The following FANCB variants were observed in gnomAD, a reference collection of about 807,000 sequenced individuals.
FANCB encodes the protein FA complementation group B.
Under a neutral mutation model 38.9 loss-of-function variants are expected in FANCB, and 5 were observed. The ratio of observed to expected loss-of-function variants is 0.13; its 90% CI spans 0.07 to 0.27. The LOEUF is 0.27. Ranked by LOEUF, FANCB falls within the 10% of genes least tolerant of loss-of-function variation. The probability of loss-of-function intolerance (pLI) is 1.00; values close to 1 mark genes in which losing one functional copy is unlikely to be tolerated. For missense variants in FANCB, 573 were observed against 602.7 expected (o/e 0.95, Z 0.52); for synonymous variants, 236 against 215.4 (o/e 1.10, Z -0.84).
At chrX:14,778,365 C>G in the FANCB span, among the ~76,000 whole-genome samples, 1 of 111,963 alleles carries the variant, frequency 8.9e-6, no homozygotes, top group African/African-American at 3.3e-5. Flanking sequence ...GTGCACAGGA[C>G]AGCCATTCAT....
downstream of FANCB, chrX:14,834,997 C>A: frequency 3.2e-6 from 2 of 627,712 alleles, no homozygotes; most frequent in South Asian, 4.3e-5. Flanking sequence ...CTAATATGCA[C>A]TGGCCCTGAA....
At chrX:14,708,664 C>T in the FANCB span, among the ~76,000 whole-genome samples, 27 of 111,744 alleles carry the variant, frequency 2.4e-4, no homozygotes, top group African/African-American at 3.6e-4. Flanking sequence ...AGGCCAGGCG[C>T]GGTGGCTCAC....
At chrX:14,754,341 G>T in the FANCB span, among the ~76,000 whole-genome samples, 1 of 112,445 alleles carries the variant, frequency 8.9e-6, no homozygotes, top group Non-Finnish European at 1.9e-5. Flanking sequence ...GAAGCACAAA[G>T]AAATAGAAAT....
At chrX:14,826,059 C>T in the FANCB span, among the ~76,000 whole-genome samples, 52 of 112,041 alleles carry the variant, frequency 4.6e-4, no homozygotes, top group Admixed American at 6.6e-4. Flanking sequence ...AAAGGGAAAC[C>T]AGCCATGTGT....
At chrX:14,834,664 GT>G (rs761556172), downstream of FANCB, 6 of 624,707 alleles carry the variant, frequency 9.6e-6, no homozygotes, top group African/African-American at 1.1e-4. Context: ...GTTTTTTCCT[GT>G]TTTTTGAAGG....
the FANCB span, among the ~76,000 whole-genome samples, chrX:14,810,390 C>T: frequency 1.8e-5 from 2 of 111,754 alleles, no homozygotes; most frequent in African/African-American, 6.5e-5. Flanking sequence ...GAAATTCAAA[C>T]CAAAGGCAAA....
chrX:14,694,423 A>T, the FANCB span, among the ~76,000 whole-genome samples: 1 of 112,221 alleles, frequency 8.9e-6, no homozygotes, highest in Non-Finnish European at 1.9e-5. Flanking sequence ...GTAGAAAATG[A>T]GGTTGAAAAA....
At chrX:14,752,980 GACACACACAC>G in the FANCB span, among the ~76,000 whole-genome samples, 114 of 68,479 alleles carry the variant, frequency 1.7e-3, no homozygotes, top group East Asian at 3.8e-3. Context: ...CTCTCTCTCT[GACACACACAC>G]ACACACACAC....
the FANCB span, among the ~76,000 whole-genome samples, chrX:14,768,566 A>G: frequency 9.0e-6 from 1 of 111,681 alleles, no homozygotes; most frequent in Non-Finnish European, 1.9e-5. Context: ...TTGATTTGAG[A>G]CATTGGGGTT....
the FANCB span, among the ~76,000 whole-genome samples, chrX:14,712,824 C>T: frequency 4.5e-5 from 5 of 111,464 alleles, no homozygotes; most frequent in East Asian, 1.4e-3. Context: ...TGGGAGTCCA[C>T]AGAAAGGTCT....
chrX:14,836,894 T>C (rs1472000159), intron 10 of FANCB, among the ~76,000 whole-genome samples: 2 of 111,427 alleles, frequency 1.8e-5, no homozygotes, highest in Non-Finnish European at 3.8e-5. Context: ...TAAAACTTTG[T>C]ATTAATTACC....
the FANCB span, among the ~76,000 whole-genome samples, chrX:14,704,639 C>T: frequency 9.0e-6 from 1 of 111,609 alleles, no homozygotes; most frequent in South Asian, 3.7e-4. Context: ...CAGCATCAGA[C>T]GCGAGTATAA....
chrX:14,865,241 G>A lies in FANCB; in HGVS notation c.270C>T (p.Asn90=). Residue 90 remains asparagine, a synonymous_variant, in exon 3 of 10, where the codon AAC becomes AAT. Coordinates refer to ENST00000650831, the MANE Select transcript of FANCB (RefSeq NM_001018113.3). ...NCVSDFRTGI[N]LPYIVIEKNK... ...TTTTTTCTATCACAATGTAAGGGAG[G>A]TTAATTCCAGTTCTGAAATCTGACA... 2 of 1,147,814 alleles carry A rather than the reference G, an allele frequency of 1.7e-6. No homozygotes were observed. Among genetic ancestry groups the A allele is most frequent in the Non-Finnish European group, 2.3e-6 (2 of 862,981 alleles). 94.6% of individuals were successfully genotyped at this position (1,147,814 alleles called of 1,213,427 possible).
At chrX:14,776,717 A>G in the FANCB span, among the ~76,000 whole-genome samples, 34 of 112,621 alleles carry the variant, frequency 3.0e-4, no homozygotes, top group African/African-American at 1.1e-3. Context: ...ACAACCACTT[A>G]ACCAAAATAG....
the FANCB span, among the ~76,000 whole-genome samples, chrX:14,770,112 T>C: frequency 8.9e-6 from 1 of 112,629 alleles, no homozygotes; most frequent in South Asian, 3.6e-4. Context: ...AGAATGTATA[T>C]TCTGTTGAAT....
At chrX:14,841,938 T>A (rs2092356250), downstream of FANCB, among the ~76,000 whole-genome samples, 1 of 112,119 alleles carries the variant, frequency 8.9e-6, no homozygotes, top group South Asian at 3.7e-4. Flanking sequence ...TCCCTACACA[T>A]AAACTATTAC....
chrX:14,731,361 C>G, the FANCB span: 3 of 111,784 alleles, frequency 2.7e-5, no homozygotes, highest in Non-Finnish European at 5.6e-5. Flanking sequence ...TATATTTACA[C>G]GTGACTTTAA....
the FANCB span, among the ~76,000 whole-genome samples, chrX:14,747,648 A>C: frequency 8.9e-6 from 1 of 112,407 alleles, no homozygotes; most frequent in Non-Finnish European, 1.9e-5. Context: ...TGCTCCAAGT[A>C]TCAACAGAGG....
At chrX:14,858,933 C>T (rs192583530) in intron 4 of FANCB, among the ~76,000 whole-genome samples, 37 of 111,400 alleles carry the variant, frequency 3.3e-4, no homozygotes, top group Non-Finnish European at 5.5e-4. Flanking sequence ...ATTTATAGTA[C>T]TGCTGTCACT....
Sources: gnomAD v4.1 joint callset for allele counts (sites outside exome capture counted in the v4.1 genomes callset) on GRCh38, gnomAD v4.1.1 for gene constraint, MANE v1.5 for transcripts, NCBI Gene and HGNC (gene_info 2026-07-23, HGNC 2026-07-21) for gene names.